ANGPT1: variants seen among roughly 807,000 people sequenced by gnomAD.
The protein encoded by ANGPT1 is angiopoietin-1.
In ANGPT1, 17 loss-of-function variants were observed where a neutral mutation model predicts 62.2. The ratio of observed to expected loss-of-function variants is 0.27; its 90% CI spans 0.19 to 0.41. The LOEUF (loss-of-function observed/expected upper bound fraction) is 0.41. Ranked by LOEUF, ANGPT1 falls within the 10% of genes least tolerant of loss-of-function variation. The pLI is 1.00. For missense variants in ANGPT1, 478 were observed against 594.9 expected, an observed-to-expected ratio of 0.80 and a Z score of 2.04; for synonymous variants, 199 against 198.9, an observed-to-expected ratio of 1.00 and a Z score of 0.00.
At chr8:107,317,234 C>T (rs116164176) in intron 4 of ANGPT1, among the ~76,000 whole-genome samples, 421 of 152,306 alleles carry the variant, frequency 2.8e-3, no homozygotes, top group African/African-American at 9.8e-3. Context: ...TGAAATACAT[C>T]TTTTCTTCTT....
intron 1 of ANGPT1, among the ~76,000 whole-genome samples, chr8:107,475,210 C>G (rs1812484713): frequency 6.6e-6 from 1 of 152,202 alleles, no homozygotes; most frequent in Non-Finnish European, 1.5e-5. Flanking sequence ...GTAACCAAAA[C>G]AGCATGGTAC....
intron 1 of ANGPT1, among the ~76,000 whole-genome samples, chr8:107,487,964 T>A (rs555106436): frequency 5.9e-5 from 9 of 152,278 alleles, no homozygotes; most frequent in Non-Finnish European, 1.2e-4. Flanking sequence ...CTTTACAATA[T>A]GAGGCAATCA....
intron 1 of ANGPT1, among the ~76,000 whole-genome samples, chr8:107,468,093 T>C (rs529207170): frequency 1.3e-5 from 2 of 152,222 alleles, no homozygotes; most frequent in East Asian, 3.9e-4. Context: ...GATAATTTCC[T>C]AGAATTATAA....
intron 8 of ANGPT1, among the ~76,000 whole-genome samples, chr8:107,258,821 G>A (rs2130011003): frequency 6.6e-6 from 1 of 152,268 alleles, no homozygotes; most frequent in South Asian, 2.1e-4. Flanking sequence ...ATACATGTAT[G>A]TATTAGGCAT....
chr8:107,475,746 G>A (rs1445485509), intron 1 of ANGPT1, among the ~76,000 whole-genome samples: 1 of 151,920 alleles, frequency 6.6e-6, no homozygotes, highest in Non-Finnish European at 1.5e-5. Flanking sequence ...GAAGAAAAAA[G>A]CAAACAATCC....
At chr8:107,327,248 T>C (rs1815311292) in intron 3 of ANGPT1, among the ~76,000 whole-genome samples, 1 of 152,144 alleles carries the variant, frequency 6.6e-6, no homozygotes, top group South Asian at 2.1e-4. Context: ...TCATATTTCA[T>C]TTTGTCCCTG....
At chr8:107,443,272 G>T (rs1250729329) in intron 1 of ANGPT1, among the ~76,000 whole-genome samples, 1 of 152,118 alleles carries the variant, frequency 6.6e-6, no homozygotes, top group African/African-American at 2.4e-5. Flanking sequence ...TACCTTTGGT[G>T]AATTAAGACA....
chr8:107,429,650 A>G (rs1288353334), intron 1 of ANGPT1, among the ~76,000 whole-genome samples: 2 of 6,472 alleles, frequency 3.1e-4, no homozygotes, highest in Non-Finnish European at 6.4e-4. Flanking sequence ...TCCAGGAGGA[A>G]AAAAAAAAAA....
At chr8:107,411,523 TA>T (rs1274006449) in intron 1 of ANGPT1, among the ~76,000 whole-genome samples, 2 of 152,156 alleles carry the variant, frequency 1.3e-5, no homozygotes, top group Non-Finnish European at 2.9e-5. Context: ...AAAGACTATG[TA>T]AAAAATTTGA....
intron 1 of ANGPT1, among the ~76,000 whole-genome samples, chr8:107,361,551 ATGT>A (rs1816164679): frequency 3.7e-5 from 1 of 26,962 alleles, no homozygotes; most frequent in Non-Finnish European, 9.1e-5. Flanking sequence ...TATAGAATAT[ATGT>A]ATATATTATA....
chr8:107,362,146 A>G (rs889152507), intron 1 of ANGPT1, among the ~76,000 whole-genome samples: 9 of 152,232 alleles, frequency 5.9e-5, no homozygotes, highest in Admixed American at 6.5e-5. Flanking sequence ...ATACTTTCTT[A>G]TATAAACACA....
At chr8:107,318,192 G>A (rs1815065799) in intron 4 of ANGPT1, among the ~76,000 whole-genome samples, 1 of 152,180 alleles carries the variant, frequency 6.6e-6, no homozygotes, top group Non-Finnish European at 1.5e-5. Flanking sequence ...AAAAATAAAT[G>A]TGTTACTCAG....
chr8:107,371,601 G>A (rs1425948101), intron 1 of ANGPT1, among the ~76,000 whole-genome samples: 2 of 120,662 alleles, frequency 1.7e-5, no homozygotes, highest in Admixed American at 2.1e-4. Context: ...TTTTTGGACA[G>A]AGTCTAGTCC....
In ANGPT1 at chr8:107,286,740, A is replaced by G. The variant is rs1191211934; in HGVS notation, c.1039-1892T>C. Among the ~76,000 whole-genome samples the G allele has an allele frequency of 3.9e-5, 6 of 152,324 alleles. No homozygotes were observed. In the South Asian group the frequency reaches 1.2e-3, roughly 32 times the overall value. On this transcript the variant is annotated intron_variant, in intron 6 of 8. Transcript: ENST00000517746. ...ACCCATAGCTCACAGTAAAGCTATA[A>G]GACCACTGAAGTTAGTACTCCATTG...
At chr8:107,306,484 T>C (rs796212492) in intron 4 of ANGPT1, among the ~76,000 whole-genome samples, 35 of 152,278 alleles carry the variant, frequency 2.3e-4, no homozygotes, top group African/African-American at 6.7e-4. Context: ...ATGTTGGTTA[T>C]AGAAGTTTCA....
intron 2 of ANGPT1, 105 bp downstream of exon 2, chr8:107,346,837 T>C (rs1361017713): frequency 9.7e-7 from 1 of 1,034,920 alleles, no homozygotes; most frequent in East Asian, 2.5e-5. Context: ...AAAATGTATG[T>C]TTCCCTAATC....
chr8:107,466,162 A>C (rs1586346056), intron 1 of ANGPT1, among the ~76,000 whole-genome samples: 2 of 152,162 alleles, frequency 1.3e-5, no homozygotes, highest in Admixed American at 6.6e-5. Context: ...GTTAGGATGC[A>C]ATTCAATTAC....
chr8:107,401,378 A>G (rs974617218), intron 1 of ANGPT1, among the ~76,000 whole-genome samples: 2 of 152,104 alleles, frequency 1.3e-5, no homozygotes, highest in Admixed American at 6.6e-5. Context: ...TTTTCCTCCA[A>G]ATAAAATACT....
chr8:107,464,263 A>G (rs534365566), intron 1 of ANGPT1, among the ~76,000 whole-genome samples: 123 of 152,262 alleles, frequency 8.1e-4, no homozygotes, highest in Middle Eastern at 6.8e-3. Context: ...CATATGGTCA[A>G]GGGTTAAAAA....
Sources: gnomAD v4.1 joint callset for allele counts (sites outside exome capture counted in the v4.1 genomes callset) on GRCh38, gnomAD v4.1.1 for gene constraint, MANE v1.5 for transcripts, NCBI Gene and HGNC (gene_info 2026-07-23, HGNC 2026-07-21) for gene names.